ATAD3A: variants seen among roughly 807,000 people sequenced by gnomAD.
ATAD3A encodes ATPase family AAA domain containing 3A.
In ATAD3A, 46 loss-of-function variants were observed where a neutral mutation model predicts 73.8. The observed-to-expected ratio is 0.62, with a 90% CI of 0.49 to 0.80. The LOEUF is 0.80. ATAD3A is among the 30% of genes least tolerant of loss of function. The probability of loss-of-function intolerance (pLI) is 0.00; values close to 1 mark genes in which losing one functional copy is unlikely to be tolerated. For synonymous variants in ATAD3A, 319 were observed against 350.0 expected, an observed-to-expected ratio of 0.91 and a Z score of 0.99; for missense variants, 705 against 838.0, an observed-to-expected ratio of 0.84 and a Z score of 1.96.
chr1:1,524,994 T>C lies in ATAD3A; in HGVS notation c.1215-246T>C, dbSNP rs114876234. On this transcript the variant is annotated intron_variant, in intron 11 of 15. Transcript: ENST00000378756. ...CTGGGCCGGGTGGGGGTGAAGCCTG[T>C]GGGGCGGAGTTCGTCGCCCCCGTGT... Among the ~76,000 whole-genome samples, 483 of 152,296 alleles carry C rather than the reference T, an allele frequency of 3.2e-3. 2 individuals carry two copies. Among genetic ancestry groups the C allele is most frequent in the Non-Finnish European group, 5.6e-3 (384 of 68,010 alleles).
chr1:1,525,175 C>G, intron 11 of ATAD3A, 65 bp from the exon 12 acceptor site: 3 of 1,608,026 alleles, frequency 1.9e-6, no homozygotes, highest in African/African-American at 1.3e-5. Flanking sequence ...CTGCCGCGGC[C>G]GGACGCTGCT....
chr1:1,517,078 GCC>G lies in ATAD3A; in HGVS notation c.283-232_283-231del, dbSNP rs1641383357. 60 of 1,515,280 alleles carry G rather than the reference GCC, an allele frequency of 4.0e-5. 2 individuals are homozygous for G. The South Asian group carries it at 7.3e-4, about 19-fold the overall frequency. 93.9% of individuals were successfully genotyped at this position (1,515,280 alleles called of 1,614,324 possible). On this transcript the variant is annotated intron_variant, in intron 2 of 15. Transcript: ENST00000378756. ...AGTGCAGTCCAAAAGGGGGTGTCCG[GCC>G]TCCCTCCCGGGGGGCCTTCGCGGGC...
At chr1:1,518,782 C>CCCCCGCAAACGGGCACCGTCACA (rs878975448) in intron 4 of ATAD3A, 139 bp from the exon 5 acceptor site, 57 of 1,539,584 alleles carry the variant, frequency 3.7e-5, no homozygotes, top group South Asian at 6.2e-5. Context: ...GCACCGTCAC[C>CCCCCGCAAACGGGCACCGTCACA]CCCCGCAAAC....
chr1:1,519,152 C>T (rs1450280209), intron 5 of ATAD3A, among the ~76,000 whole-genome samples, 162 bp downstream of exon 5: 3 of 151,648 alleles, frequency 2.0e-5, no homozygotes, highest in African/African-American at 7.3e-5. Context: ...TCTCGGAAGA[C>T]ACCTCTGTCT....
Position 1,523,515 on chromosome 1 carries a change from G to A in ATAD3A, c.911G>A (p.Ser304Asn). The part of the protein sequence containing the change: ...LEALRHPIQV[S>N]RRLLSRPQDA... ...CTTCCCCTTCCCCTCCGGCAGGTCA[G>A]CCGGCGGCTCCTCAGTCGACCCCAG... Residue 304 changes from serine (S) to asparagine (N), a missense_variant, in exon 9 of 16, where the codon AGC becomes AAC. This residue lies in a region of ATAD3A where 315 missense variants were observed against 334.1 expected (regional missense o/e 0.94). Transcript: ENST00000378756. This position sits in a 1 kb window ranked among gnomAD's most constrained non-coding sequence, Gnocchi z 5.1. The A allele has an allele frequency of 6.2e-7, 1 of 1,612,452 alleles. No homozygotes were observed. The highest frequency in any genetic ancestry group is 2.2e-5 in the East Asian group (1 of 44,830).
At position 1,526,453 on chromosome 1, in the gene ATAD3A, C is replaced by G. The variant is rs186268381; in HGVS notation, c.1267-8C>G. ...CTGGTGCCTAAGGCTGGAACCTTCT[C>G]TCTGCAGGAGAAGATAAGCGAGGAC... On this transcript the variant is annotated splice_polypyrimidine_tract_variant and splice_region_variant and intron_variant, in intron 12 of 15. Transcript: ENST00000378756. 4.4e-3 allele frequency: 7,109 copies of G among 1,609,442 alleles called. 232 individuals are homozygous for G. The African/African-American group carries it at 0.079, about 18-fold the overall frequency.
intron 15 of ATAD3A, among the ~76,000 whole-genome samples, chr1:1,530,854 AACT>A (rs1642011079): frequency 2.7e-5 from 4 of 146,932 alleles, no homozygotes; most frequent in South Asian, 2.1e-4. Flanking sequence ...AAAAAAAAAA[AACT>A]AAGAATAATT....
intron 14 of ATAD3A, 107 bp downstream of exon 14, chr1:1,527,969 TTTTTTTTGAGACAAAG>T (rs1641909525): frequency 7.2e-7 from 1 of 1,382,394 alleles, no homozygotes; most frequent in African/African-American, 1.5e-5. Flanking sequence ...TTTTTTTTTT[TTTTTTTTGAGACAAAG>T]TCTCATTCTT....
In ATAD3A at chr1:1,533,913, C is replaced by T. The variant is rs748746213; in HGVS notation, c.1615-13C>T. On this transcript the variant is annotated splice_polypyrimidine_tract_variant and intron_variant, in intron 15 of 15. Transcript: ENST00000378756. ...CCATGGCGGCCTCCCTCAGCTGCCT[C>T]TCTCCCCACTAGGCCACGGCGTATG... 3 of 1,611,008 alleles carry T rather than the reference C, an allele frequency of 1.9e-6. No homozygotes were observed. Among genetic ancestry groups the T allele is most frequent in the Middle Eastern group, 1.7e-4 (1 of 5,922 alleles).
At chr1:1,522,348 T>A (rs945107261) in intron 7 of ATAD3A, among the ~76,000 whole-genome samples, 2 of 152,198 alleles carry the variant, frequency 1.3e-5, no homozygotes, top group Non-Finnish European at 2.9e-5. Flanking sequence ...GCCAGCCTAA[T>A]TGATTTTTAA....
intron 1 of ATAD3A, among the ~76,000 whole-genome samples, chr1:1,515,086 G>T (rs1466443942): frequency 6.6e-6 from 1 of 152,082 alleles, no homozygotes; most frequent in African/African-American, 2.4e-5. Flanking sequence ...TGTTGGCCCG[G>T]ATGGAGATTT....
chr1:1,523,820 C>A lies in ATAD3A; in HGVS notation c.964-19C>A, dbSNP rs578171897. ...ATGGGTGCACAGTGTCTCCTCCAAA[C>A]CCCCGTCTTCCCCGGCAGCCCAGCC... On this transcript the variant is annotated intron_variant, in intron 9 of 15. Transcript: ENST00000378756. The surrounding 1 kb of genome is among the most constrained non-coding windows in gnomAD (Gnocchi z 5.1). 1.2e-6 allele frequency: 2 copies of A among 1,613,790 alleles called. No individual in the cohort carries two copies. The highest frequency in any genetic ancestry group is 1.7e-6 in the Non-Finnish European group (2 of 1,179,962).
At chr1:1,528,673 C>T (rs1453299125) in intron 14 of ATAD3A, among the ~76,000 whole-genome samples, 2 of 152,252 alleles carry the variant, frequency 1.3e-5, no homozygotes, top group Non-Finnish European at 2.9e-5. Context: ...GAGGCTGCTC[C>T]ACTTCTTGGC....
At chr1:1,522,966 C>T (rs934078100) in intron 8 of ATAD3A, 67 bp downstream of exon 8, 1 of 1,574,198 alleles carries the variant, frequency 6.4e-7, no homozygotes, top group South Asian at 1.2e-5. Context: ...CCCACGAGCA[C>T]AGCCCACGCA....
intron 2 of ATAD3A, among the ~76,000 whole-genome samples, chr1:1,516,657 C>A (rs1454516242): frequency 6.6e-6 from 1 of 151,974 alleles, no homozygotes; most frequent in Non-Finnish European, 1.5e-5. Context: ...AAGTGATCCA[C>A]CTGCCTCGGC....
intron 13 of ATAD3A, 57 bp downstream of exon 13, chr1:1,526,588 T>C: frequency 1.4e-5 from 23 of 1,611,122 alleles, no homozygotes; most frequent in Non-Finnish European, 1.9e-5. Context: ...CCGTCGCCCT[T>C]GGTTCCCACC....
rs542952018 is a variant in ATAD3A at position 1,531,452 on chromosome 1, A to G, written c.1614+2121A>G. 5.2e-4 allele frequency among the ~76,000 whole-genome samples: 79 copies of G among 151,062 alleles called. 1 individual carries two copies. The highest frequency in any genetic ancestry group is 1.7e-3 in the African/African-American group (69 of 41,110). On this transcript the variant is annotated intron_variant, in intron 15 of 15. Coordinates refer to ENST00000378756, the MANE Select transcript of ATAD3A (RefSeq NM_001170535.3). ...GCAACACAGTGAGACTCCATCCCAA[A>G]AAACGAAAACGAAAACTAAAAATAA...
At chr1:1,519,130 G>C in intron 5 of ATAD3A, 140 bp downstream of exon 5, 1 of 1,547,014 alleles carries the variant, frequency 6.5e-7, no homozygotes, top group Non-Finnish European at 8.7e-7. Context: ...GGCTCCGCGG[G>C]GTGGGGCTGC....
rs769517606 is a variant in ATAD3A, at chr1:1,523,573, T to G, written c.963+6T>G. ...TGGAGGGTGTTGTGCTCAGTGTAAG[T>G]CGGTGTGCCTGGGACCGGGGAGGCG... On this transcript the variant is annotated splice_donor_region_variant and intron_variant, in intron 9 of 15. Coordinates refer to ENST00000378756, the MANE Select transcript of ATAD3A (RefSeq NM_001170535.3). The surrounding 1 kb of genome is among the most constrained non-coding windows in gnomAD (Gnocchi z 5.1). 1.2e-6 allele frequency: 2 copies of G among 1,612,644 alleles called. No homozygotes were observed. Among genetic ancestry groups the G allele is most frequent in the African/African-American group, 2.7e-5 (2 of 74,856 alleles).
Sources: allele counts gnomAD v4.1 joint callset (sites outside exome capture counted in the v4.1 genomes callset), GRCh38; gene constraint gnomAD v4.1.1; regional missense constraint gnomAD v4.1.1; non-coding constraint Gnocchi (gnomAD v3.1); transcripts MANE v1.5; gene names NCBI Gene and HGNC (gene_info 2026-07-23, HGNC 2026-07-21).